The following BIN3 variants were observed in gnomAD, a reference collection of about 807,000 sequenced individuals.
BIN3 encodes bridging integrator 3.
A neutral mutation model predicts 38.2 loss-of-function variants in BIN3; 41 were observed. The ratio of observed to expected loss-of-function variants is 1.07; its 90% CI spans 0.84 to 1.39. The LOEUF is 1.39. BIN3 is among the 40% of genes most tolerant of loss of function. The pLI, the probability that BIN3 is intolerant of heterozygous loss-of-function variation, is 0.00. For synonymous variants in BIN3, 145 were observed against 122.6 expected, an observed-to-expected ratio of 1.18 and a Z score of -1.21; for missense variants, 361 against 324.3, an observed-to-expected ratio of 1.11 and a Z score of -0.87.
At chr8:22,644,160 T>C (rs1228052529) in intron 2 of BIN3, among the ~76,000 whole-genome samples, 2 of 152,274 alleles carry the variant, frequency 1.3e-5, no homozygotes, top group African/African-American at 4.8e-5. Flanking sequence ...AGCTTCCAGC[T>C]CTAACTTCCT....
chr8:22,631,261 A>C lies in BIN3; in HGVS notation c.161-683T>G, dbSNP rs546357166. Among the ~76,000 whole-genome samples the C allele has an allele frequency of 3.6e-4, 55 of 152,272 alleles. 1 individual carries two copies. Among genetic ancestry groups the C allele is most frequent in the Admixed American group, 1.5e-3 (23 of 15,288 alleles). Reference sequence around the variant, plus strand: ...ACGCTGGAAAATGTGTTTTCCCCCAAGACTCGCCCAGACACACACTGCAGC... The same window carrying C: ...ACGCTGGAAAATGTGTTTTCCCCCACGACTCGCCCAGACACACACTGCAGC... On this transcript the variant is annotated intron_variant, in intron 4 of 8. Coordinates refer to ENST00000276416, the MANE Select transcript of BIN3 (RefSeq NM_018688.6).
rs1333164357 is a variant in BIN3, at chr8:22,629,967, T to C, written c.335A>G (p.Lys112Arg). 2 of 1,608,366 alleles carry C rather than the reference T, an allele frequency of 1.2e-6. No individual in the cohort carries two copies. The highest frequency in any genetic ancestry group is 1.7e-6 in the Non-Finnish European group (2 of 1,177,106). Residue 112 changes from lysine (K) to arginine (R), a missense_variant, in exon 6 of 9, where the codon AAA (lysine) becomes AGA (arginine). Physicochemically the swap from Lys to Arg is conservative, Grantham distance 26. Coordinates refer to ENST00000276416, the MANE Select transcript of BIN3 (RefSeq NM_018688.6). ...QIQKTVIEPL[K>R]KFGSVFPSLN... is the part of the protein sequence containing the mutation. ...CCCCCAGGTGACATTTACTCACTTT[T>C]TTAAGGGCTCGATCACAGTCTTCTG...
At chr8:22,645,307 AAAC>A (rs1368246453) in intron 1 of BIN3, among the ~76,000 whole-genome samples, 1 of 152,042 alleles carries the variant, frequency 6.6e-6, no homozygotes, top group East Asian at 1.9e-4. Flanking sequence ...TCAAAAAAAA[AAAC>A]ACAAAAAAAC....
intron 1 of BIN3, among the ~76,000 whole-genome samples, chr8:22,656,092 C>T (rs1481808211): frequency 6.6e-6 from 1 of 152,116 alleles, no homozygotes; most frequent in Non-Finnish European, 1.5e-5. Context: ...CTAAAAACCC[C>T]TGATAAGGAT....
intron 6 of BIN3, 46 bp from the exon 7 acceptor site, chr8:22,624,409 G>A (rs2117498570): frequency 6.3e-7 from 1 of 1,592,528 alleles, no homozygotes; most frequent in East Asian, 2.3e-5. Flanking sequence ...TGAAGGGGTG[G>A]CCTGGCTGGA....
intron 6 of BIN3, chr8:22,625,344 C>T (rs1012652482): frequency 1.4e-5 from 10 of 702,472 alleles, no homozygotes; most frequent in East Asian, 5.4e-5. Flanking sequence ...GATCAGGCTG[C>T]GCAGCCCAGG....
At chr8:22,649,631 C>G (rs961187329) in intron 1 of BIN3, among the ~76,000 whole-genome samples, 2 of 152,084 alleles carry the variant, frequency 1.3e-5, no homozygotes, top group African/African-American at 2.4e-5. Context: ...GTGGCTAATT[C>G]TGGGTGGTGA....
intron 6 of BIN3, among the ~76,000 whole-genome samples, chr8:22,628,934 G>A (rs1453755774): frequency 6.6e-6 from 1 of 152,192 alleles, no homozygotes; most frequent in Non-Finnish European, 1.5e-5. Flanking sequence ...GCAGGCAGGG[G>A]GTGGTGGATG....
At chr8:22,668,649 G>C (rs1457611037) in intron 1 of BIN3, among the ~76,000 whole-genome samples, 1 of 152,240 alleles carries the variant, frequency 6.6e-6, no homozygotes, top group Non-Finnish European at 1.5e-5. Context: ...GGCTGCCACA[G>C]CGAGGGCCAC....
intron 4 of BIN3, among the ~76,000 whole-genome samples, chr8:22,633,146 G>A (rs1802261327): frequency 6.6e-6 from 1 of 152,220 alleles, no homozygotes; most frequent in Admixed American, 6.5e-5. Flanking sequence ...CATGTGAGCA[G>A]AGCAGAGCTG....
chr8:22,648,588 T>C (rs966057021), intron 1 of BIN3, among the ~76,000 whole-genome samples: 2 of 152,176 alleles, frequency 1.3e-5, no homozygotes, highest in Non-Finnish European at 2.9e-5. Context: ...GGGTCCACGA[T>C]GTCAACATGC....
Position 22,669,038 on chromosome 8 carries a change from A to T in BIN3, c.8+6T>A, listed in dbSNP as rs771422407. 4 of 1,585,772 alleles carry T rather than the reference A, an allele frequency of 2.5e-6. No homozygotes were observed. The highest frequency in any genetic ancestry group is 3.4e-6 in the Non-Finnish European group (4 of 1,166,636). ...CAGCAGCTCCCGCCGCCTGGGCCTC[A>T]CTCACCAGCTCATGGTCCCGAACCT... is the stretch of plus-strand genomic sequence containing the variant. On this transcript the variant is annotated splice_donor_region_variant and intron_variant, in intron 1 of 8. Transcript: ENST00000276416.
At chr8:22,651,922 C>T (rs1293776070) in intron 1 of BIN3, among the ~76,000 whole-genome samples, 2 of 149,364 alleles carry the variant, frequency 1.3e-5, no homozygotes, top group African/African-American at 2.4e-5. Flanking sequence ...AATTTCGATG[C>T]TGACCCTCCT....
intron 2 of BIN3, among the ~76,000 whole-genome samples, chr8:22,639,813 C>T (rs1802483437): frequency 6.6e-6 from 1 of 152,148 alleles, no homozygotes; most frequent in African/African-American, 2.4e-5. Flanking sequence ...GGGTGGAGTC[C>T]CATGCTTGGG....
intron 1 of BIN3, among the ~76,000 whole-genome samples, chr8:22,651,741 T>C (rs1008344733): frequency 2.0e-5 from 3 of 152,166 alleles, no homozygotes; most frequent in African/African-American, 7.2e-5. Context: ...TATAGGAATA[T>C]ATGTTTGTCA....
chr8:22,636,478 T>C, intron 4 of BIN3, 47 bp downstream of exon 4: 2 of 1,544,340 alleles, frequency 1.3e-6, no homozygotes, highest in African/African-American at 1.4e-5. Context: ...GGTGCCCACC[T>C]CTGCCCCACC....
chr8:22,633,839 T>C (rs975383350), intron 4 of BIN3, among the ~76,000 whole-genome samples: 1 of 152,194 alleles, frequency 6.6e-6, no homozygotes, highest in Non-Finnish European at 1.5e-5. Context: ...TACATGAGAC[T>C]GATGTGGCTG....
At chr8:22,632,884 T>C (rs1310102418) in intron 4 of BIN3, among the ~76,000 whole-genome samples, 1 of 152,126 alleles carries the variant, frequency 6.6e-6, no homozygotes, top group Non-Finnish European at 1.5e-5. Context: ...AATTTTTGTA[T>C]TTTTAGTAGA....
At chr8:22,629,735 G>C (rs1393090584) in intron 6 of BIN3, 3 of 581,706 alleles carry the variant, frequency 5.2e-6, no homozygotes, top group African/African-American at 1.9e-5. Context: ...TGGGAAGGGG[G>C]TGGTGGCAGG....
Sources: allele counts gnomAD v4.1 joint callset (sites outside exome capture counted in the v4.1 genomes callset), GRCh38; gene constraint gnomAD v4.1.1; transcripts MANE v1.5; gene names NCBI Gene and HGNC (gene_info 2026-07-23, HGNC 2026-07-21).